Variants in CFAP47 observed in about 807,000 individuals in gnomAD.
The protein encoded by CFAP47 is cilia- and flagella-associated protein 47.
In CFAP47, 29 loss-of-function variants were observed where a neutral mutation model predicts 148.1. The ratio of observed to expected loss-of-function variants is 0.20; its 90% confidence interval spans 0.15 to 0.27. The LOEUF is 0.27. CFAP47 is among the 10% of genes least tolerant of loss of function. CFAP47 has a pLI of 1.00. For missense variants in CFAP47, 1,872 were observed against 1,697.5 expected (o/e 1.10, Z -1.81); for synonymous variants, 664 against 577.3 (o/e 1.15, Z -2.15).
chrX:36,174,307 G>GTTAATATTGTTATGTGTGAAT (rs1430314807), intron 39 of CFAP47, among the ~76,000 whole-genome samples: 1 of 109,898 alleles, frequency 9.1e-6, no homozygotes, highest in Non-Finnish European at 1.9e-5. Flanking sequence ...TACATTTAAG[G>GTTAATATTGTTATGTGTGAAT]TTAATATTGT....
At chrX:36,261,795 A>G (rs1940828020) in intron 49 of CFAP47, among the ~76,000 whole-genome samples, 1 of 111,621 alleles carries the variant, frequency 9.0e-6, no homozygotes, top group Admixed American at 9.4e-5. Context: ...TCTATTCCGC[A>G]AAACCGCCAT....
chrX:35,941,143 A>G, intron 2 of CFAP47, 140 bp from the exon 3 acceptor site: 2 of 367,219 alleles, frequency 5.4e-6, no homozygotes, highest in Non-Finnish European at 4.7e-6. Context: ...TTTATTGACA[A>G]ACATGCCACC....
At chrX:36,194,393 C>T (rs1555986951) in intron 42 of CFAP47, among the ~76,000 whole-genome samples, 1 of 111,624 alleles carries the variant, frequency 9.0e-6, no homozygotes. Flanking sequence ...CCAAATGGCT[C>T]CAACCTCTGC....
chrX:36,080,279 C>T (rs985972843), intron 29 of CFAP47, among the ~76,000 whole-genome samples: 6 of 110,906 alleles, frequency 5.4e-5, no homozygotes, highest in African/African-American at 1.6e-4. Flanking sequence ...AGTCAGGAAA[C>T]GAGGTACTGG....
chrX:36,027,116 ATATATATATGATTATATATATATGAT>A (rs1448301088), intron 22 of CFAP47, among the ~76,000 whole-genome samples: 116 of 80,259 alleles, frequency 1.4e-3, no homozygotes, highest in Non-Finnish European at 2.4e-3. Flanking sequence ...ATATGTGATT[ATATATATATGATTATATATATATGAT>A]TATATATATG....
Position 36,071,953 on chromosome X carries a change from A to G in CFAP47, c.4447A>G (p.Lys1483Glu). The G allele has an allele frequency of 8.3e-7, 1 of 1,204,333 alleles. No individual in the cohort carries two copies. The highest frequency in any genetic ancestry group is 1.1e-6 in the Non-Finnish European group (1 of 892,078). The change falls in exon 28 of 64, where the codon AAG (lysine) becomes GAG (glutamate). Residue 1483 changes from lysine (K) to glutamate (E), a missense_variant. Coordinates refer to ENST00000378653, the MANE Select transcript of CFAP47 (RefSeq NM_001304548.2). ...CAAATTCAATGATGCTGAACCTGCA[A>G]AGGGAAACTTATTTATTGGTATGTA... is the stretch of plus-strand genomic sequence containing the variant. ...TSKFNDAEPA[K>E]GNLFIGVEVL... is the part of the protein sequence containing the mutation.
Position 36,108,064 on chromosome X carries a change from C to A in CFAP47, c.5320+3373C>A, listed in dbSNP as rs770242869. Among the ~76,000 whole-genome samples, 10 of 111,448 alleles carry A rather than the reference C, an allele frequency of 9.0e-5. No homozygotes were observed. In the South Asian group the frequency reaches 3.8e-3, roughly 42 times the overall value. Reference sequence around the variant, plus strand: ...AGAGTTGTTCAGATTCAAAGGGAGGCATTTCCTCTACCCTCTGATATACAG... The same window carrying A: ...AGAGTTGTTCAGATTCAAAGGGAGGAATTTCCTCTACCCTCTGATATACAG... On this transcript the variant is annotated intron_variant, in intron 33 of 63. Transcript: ENST00000378653.
At chrX:36,143,628 G>A (rs974160918) in intron 35 of CFAP47, among the ~76,000 whole-genome samples, 1 of 111,395 alleles carries the variant, frequency 9.0e-6, no homozygotes, top group African/African-American at 3.3e-5. Context: ...ATACTTTTGT[G>A]CTGTGAATAA....
At chrX:36,067,894 G>A (rs1937669121) in intron 27 of CFAP47, among the ~76,000 whole-genome samples, 1 of 110,335 alleles carries the variant, frequency 9.1e-6, no homozygotes, top group African/African-American at 3.3e-5. Flanking sequence ...CTCGTGATCC[G>A]CCCACCTCGG....
intron 23 of CFAP47, among the ~76,000 whole-genome samples, chrX:36,031,735 GAATAAT>G (rs201213277): frequency 0.14 from 15,343 of 107,563 alleles, 1,136 homozygotes; most frequent in East Asian, 0.29. Flanking sequence ...TAATAAATCT[GAATAAT>G]AATAATAATA....
chrX:36,340,250 T>A (rs909487544), intron 57 of CFAP47, among the ~76,000 whole-genome samples: 52 of 111,875 alleles, frequency 4.6e-4, no homozygotes, highest in Non-Finnish European at 7.5e-5. Context: ...AGTCAGATGA[T>A]GTTTTTCTAT....
At position 36,238,945 on chromosome X, in the gene CFAP47, A is replaced by G. The variant is rs782073522; in HGVS notation, c.7332+2086A>G. Among the ~76,000 whole-genome samples, 311 of 112,174 alleles carry G rather than the reference A, an allele frequency of 2.8e-3. 2 individuals are homozygous for G. Among genetic ancestry groups the G allele is most frequent in the Middle Eastern group, 0.023 (5 of 217 alleles). On this transcript the variant is annotated intron_variant, in intron 48 of 63. Transcript: ENST00000378653. ...TCTGTTACTATAGACTAGACTCAGC[A>G]TGTTCTTTTAAATGTTTTCCTTGTT... is the stretch of plus-strand genomic sequence containing the variant.
At chrX:36,099,536 T>C (rs890504407) in intron 31 of CFAP47, among the ~76,000 whole-genome samples, 1 of 106,934 alleles carries the variant, frequency 9.4e-6, no homozygotes, top group African/African-American at 3.4e-5. Flanking sequence ...CAGAGTGATC[T>C]AGTAGGTGCG....
chrX:36,075,735 T>TG (rs1302760453), intron 29 of CFAP47, among the ~76,000 whole-genome samples: 63 of 111,453 alleles, frequency 5.7e-4, no homozygotes, highest in Admixed American at 3.9e-3. Context: ...GGCCATCTTT[T>TG]TGTTCATGAG....
chrX:36,028,415 T>C (rs1937245241), intron 22 of CFAP47, among the ~76,000 whole-genome samples: 1 of 111,531 alleles, frequency 9.0e-6, no homozygotes. Flanking sequence ...ATGACATTGG[T>C]ACTTTGATAG....
intron 49 of CFAP47, among the ~76,000 whole-genome samples, chrX:36,277,027 T>TG (rs1445649597): frequency 1.4e-4 from 16 of 111,857 alleles, no homozygotes; most frequent in African/African-American, 5.2e-4. Context: ...TCCATGACTG[T>TG]GGGACAATGA....
intron 25 of CFAP47, among the ~76,000 whole-genome samples, chrX:36,044,678 T>C (rs750192254): frequency 6.3e-5 from 7 of 111,728 alleles, no homozygotes; most frequent in Admixed American, 5.7e-4. Flanking sequence ...CACATCACTA[T>C]CATCATTTTG....
chrX:35,955,818 A>G, intron 7 of CFAP47, 143 bp from the exon 8 acceptor site: 1 of 869,966 alleles, frequency 1.1e-6, no homozygotes, highest in Non-Finnish European at 1.6e-6. Context: ...CACAGAGAAG[A>G]CACTCAATAA....
At chrX:36,352,223 T>C (rs1941748369) in intron 59 of CFAP47, among the ~76,000 whole-genome samples, 1 of 111,364 alleles carries the variant, frequency 9.0e-6, no homozygotes, top group African/African-American at 3.3e-5. Context: ...ATACTAATTG[T>C]AACTTTGATA....
Sources: gnomAD v4.1 joint callset for allele counts (sites outside exome capture counted in the v4.1 genomes callset) on GRCh38, gnomAD v4.1.1 for gene constraint, MANE v1.5 for transcripts, NCBI Gene and HGNC (gene_info 2026-07-23, HGNC 2026-07-21) for gene names.